Variants in SYT1 observed in about 807,000 individuals in gnomAD.
SYT1 encodes the protein synaptotagmin 1, also known as synaptotagmin-1.
SYT1 carries 8 observed loss-of-function variants against 44.8 expected under a neutral mutation model. The observed-to-expected ratio is 0.18, with a 90% CI of 0.10 to 0.32. The LOEUF is 0.32. SYT1 is among the 10% of genes least tolerant of loss of function. SYT1 has a pLI of 1.00. For synonymous variants in SYT1, 154 were observed against 188.8 expected (o/e 0.82, Z 1.51); for missense variants, 286 against 509.3 (o/e 0.56, Z 4.22).
At chr12:79,276,324 A>T (rs1418159878) in intron 4 of SYT1, among the ~76,000 whole-genome samples, 2 of 152,116 alleles carry the variant, frequency 1.3e-5, no homozygotes, top group African/African-American at 4.8e-5. Flanking sequence ...AAAAAATACA[A>T]TTCAGGATAT....
chr12:79,330,507 A>C (rs1881806777), intron 8 of SYT1, among the ~76,000 whole-genome samples: 1 of 152,204 alleles, frequency 6.6e-6, no homozygotes, highest in Non-Finnish European at 1.5e-5. Context: ...CTGTTTTCTG[A>C]GTTCTAATAA....
chr12:78,895,068 T>C (rs1350743926), intron 1 of SYT1, among the ~76,000 whole-genome samples: 1 of 151,604 alleles, frequency 6.6e-6, no homozygotes, highest in East Asian at 1.9e-4. Context: ...AAGCTAAAAT[T>C]AAAAACTAAA....
chr12:79,237,681 G>T (rs904454478), intron 4 of SYT1, among the ~76,000 whole-genome samples: 1 of 152,262 alleles, frequency 6.6e-6, no homozygotes, highest in Non-Finnish European at 1.5e-5. Flanking sequence ...AAATAAAAAT[G>T]ATTAAAGCAG....
chr12:79,068,739 C>A (rs1204300691), intron 3 of SYT1, among the ~76,000 whole-genome samples: 1 of 151,658 alleles, frequency 6.6e-6, no homozygotes, highest in Non-Finnish European at 1.5e-5. Flanking sequence ...ACCTGCCGGG[C>A]ATGGTAGCTC....
chr12:79,324,470 AAC>A lies in SYT1; in HGVS notation c.810+24928_810+24929del, dbSNP rs199545147. ...TCCTCTTAACACCTCTGCCAGCAAGAACACACACACTGAGTGGGCCATTGTAA... is the reference window on the plus strand; with the variant it reads ...TCCTCTTAACACCTCTGCCAGCAAGAACACACACTGAGTGGGCCATTGTAA... On this transcript the variant is annotated intron_variant, in intron 8 of 10. Coordinates refer to ENST00000261205, the MANE Select transcript of SYT1 (RefSeq NM_005639.3). Among the ~76,000 whole-genome samples the A allele has an allele frequency of 9.6e-3, 1,463 of 152,266 alleles. 15 individuals are homozygous for A. Among genetic ancestry groups the A allele is most frequent in the African/African-American group, 0.033 (1,387 of 41,540 alleles).
At chr12:79,435,366 G>A (rs1299292284) in intron 9 of SYT1, among the ~76,000 whole-genome samples, 1 of 152,150 alleles carries the variant, frequency 6.6e-6, no homozygotes, top group Non-Finnish European at 1.5e-5. Flanking sequence ...ATGGGGTCTT[G>A]CTATATTGCC....
chr12:79,408,222 C>G (rs753843709), intron 9 of SYT1, among the ~76,000 whole-genome samples: 91 of 152,072 alleles, frequency 6.0e-4, no homozygotes, highest in Non-Finnish European at 1.2e-3. Flanking sequence ...TGCAGTTTTG[C>G]CTCACCAAAG....
intron 5 of SYT1, among the ~76,000 whole-genome samples, chr12:79,289,820 T>G (rs1879487830): frequency 6.6e-6 from 1 of 151,878 alleles, no homozygotes; most frequent in African/African-American, 2.4e-5. Flanking sequence ...TGTTAAAGAC[T>G]TATACACAGC....
At chr12:79,330,535 C>G (rs1291219714) in intron 8 of SYT1, among the ~76,000 whole-genome samples, 2 of 152,194 alleles carry the variant, frequency 1.3e-5, no homozygotes, top group Non-Finnish European at 2.9e-5. Context: ...AAAATTACCT[C>G]ACAGGGCTGA....
At chr12:79,179,013 TAG>T (rs1872125351) in intron 3 of SYT1, among the ~76,000 whole-genome samples, 3 of 24,166 alleles carry the variant, frequency 1.2e-4, no homozygotes, top group African/African-American at 5.3e-4. Flanking sequence ...TATAGATATA[TAG>T]ATATAGATAT....
At chr12:79,400,591 G>A (rs1885033564) in intron 9 of SYT1, among the ~76,000 whole-genome samples, 1 of 152,234 alleles carries the variant, frequency 6.6e-6, no homozygotes, top group Non-Finnish European at 1.5e-5. Context: ...CTGCTTGCCA[G>A]AAAGTAGCAG....
chr12:79,384,484 T>G (rs1013710850), intron 9 of SYT1, among the ~76,000 whole-genome samples: 13 of 152,172 alleles, frequency 8.5e-5, no homozygotes, highest in African/African-American at 3.1e-4. Flanking sequence ...GTACCTGAAC[T>G]AGGTACAAAA....
intron 2 of SYT1, among the ~76,000 whole-genome samples, chr12:79,042,886 C>T (rs2137736871): frequency 6.6e-6 from 1 of 151,824 alleles, no homozygotes; most frequent in African/African-American, 2.4e-5. Context: ...GTTATGTACC[C>T]AGTAGTCACT....
At chr12:78,883,265 T>A (rs1487957359) in intron 1 of SYT1, among the ~76,000 whole-genome samples, 1 of 151,672 alleles carries the variant, frequency 6.6e-6, no homozygotes, top group Non-Finnish European at 1.5e-5. Context: ...TGTTTGCAAT[T>A]TTTTCCCCAG....
chr12:79,341,235 A>G (rs1383590808), intron 8 of SYT1: 1 of 152,130 alleles, frequency 6.6e-6, no homozygotes, highest in African/African-American at 2.4e-5. Context: ...ATTAGTATTA[A>G]TTATTTCAGG....
intron 10 of SYT1, 114 bp downstream of exon 10, chr12:79,444,320 T>C (rs1018978332): frequency 2.4e-6 from 3 of 1,261,502 alleles, no homozygotes; most frequent in African/African-American, 3.0e-5. Context: ...AGAACTGCCA[T>C]TCTTTCTCCC....
chr12:79,252,731 G>T (rs1259175793), intron 4 of SYT1, among the ~76,000 whole-genome samples: 4 of 152,114 alleles, frequency 2.6e-5, no homozygotes, highest in Non-Finnish European at 5.9e-5. Context: ...AGCTTTTGTG[G>T]TGTTATACCC....
intron 9 of SYT1, among the ~76,000 whole-genome samples, chr12:79,373,475 T>A (rs1883873781): frequency 6.6e-6 from 1 of 152,186 alleles, no homozygotes; most frequent in Admixed American, 6.5e-5. Context: ...ATATAATTAC[T>A]AATTTGTTAA....
At chr12:79,103,239 A>G (rs1461582512) in intron 3 of SYT1, among the ~76,000 whole-genome samples, 1 of 152,178 alleles carries the variant, frequency 6.6e-6, no homozygotes, top group Non-Finnish European at 1.5e-5. Flanking sequence ...TCAAATAAGA[A>G]AATAATATAA....
Sources: gnomAD v4.1 joint callset for allele counts (sites outside exome capture counted in the v4.1 genomes callset) on GRCh38, gnomAD v4.1.1 for gene constraint, MANE v1.5 for transcripts, NCBI Gene and HGNC (gene_info 2026-07-23, HGNC 2026-07-21) for gene names.